Variants in C12orf42 observed in about 807,000 individuals in gnomAD.
C12orf42 encodes the protein chromosome 12 open reading frame 42.
C12orf42 carries 25 observed loss-of-function variants against 21.6 expected under a neutral mutation model. The observed-to-expected ratio is 1.16, with a 90% CI of 0.84 to 1.62. The LOEUF is 1.62. Among genes scored for constraint, C12orf42 ranks in the 40% most tolerant of loss-of-function variants. The probability of loss-of-function intolerance (pLI) is 0.00; values close to 1 mark genes in which losing one functional copy is unlikely to be tolerated. For missense variants in C12orf42, 483 were observed against 459.3 expected (o/e 1.05, Z -0.47); for synonymous variants, 174 against 175.0 (o/e 0.99, Z 0.05).
At chr12:103,259,531 G>A (rs552846800) in intron 10 of C12orf42, among the ~76,000 whole-genome samples, 1 of 152,204 alleles carries the variant, frequency 6.6e-6, no homozygotes, top group African/African-American at 2.4e-5. Context: ...CACCTGCCTC[G>A]GCCTCCCAAA....
rs140805952 is a variant in C12orf42, at chr12:103,473,877, C to T, written c.78+4472G>A. Among the ~76,000 whole-genome samples the T allele has an allele frequency of 3.5e-3, 528 of 152,260 alleles. 1 individual carries two copies. The highest frequency in any genetic ancestry group is 6.4e-3 in the Non-Finnish European group (434 of 68,012). On this transcript the variant is annotated intron_variant, in intron 2 of 5. Coordinates refer to ENST00000548883, the MANE Select transcript of C12orf42 (RefSeq NM_198521.5). The stretch of plus-strand genomic sequence containing the variant: ...GGCAGAAACTATCCTCTGAGTAGCA[C>T]AGAGGATGTGCATAATAAATACTGG...
intron 3 of C12orf42, among the ~76,000 whole-genome samples, chr12:103,379,118 T>C (rs868270870): frequency 3.9e-5 from 6 of 152,008 alleles, no homozygotes; most frequent in Middle Eastern, 6.8e-3. Context: ...TCATCTGAGG[T>C]TTTATATGTG....
chr12:103,561,549 G>A, the C12orf42 span, among the ~76,000 whole-genome samples: 278 of 152,130 alleles, frequency 1.8e-3, 1 homozygote, highest in African/African-American at 6.4e-3. Flanking sequence ...TAAGGACTTC[G>A]CCCTCATGAC....
At chr12:103,553,011 C>T in the C12orf42 span, among the ~76,000 whole-genome samples, 1 of 152,136 alleles carries the variant, frequency 6.6e-6, no homozygotes, top group Non-Finnish European at 1.5e-5. Flanking sequence ...AGTCCCTTCC[C>T]AACAGGTCTC....
chr12:103,498,260 C>A (rs192065351), upstream of C12orf42, among the ~76,000 whole-genome samples: 4 of 152,334 alleles, frequency 2.6e-5, no homozygotes, highest in Non-Finnish European at 5.9e-5. Context: ...TGGGCAATGT[C>A]ATAGAGAAGA....
intron 4 of C12orf42, among the ~76,000 whole-genome samples, chr12:103,347,686 TA>T (rs1342490366): frequency 6.6e-6 from 1 of 152,148 alleles, no homozygotes; most frequent in African/African-American, 2.4e-5. Context: ...TGCTTGATTC[TA>T]AAAGGCATTT....
the C12orf42 span, chr12:103,505,016 T>C: frequency 4.4e-6 from 1 of 226,966 alleles, no homozygotes; most frequent in Non-Finnish European, 9.8e-6. Context: ...TGCTGTGTTC[T>C]GAGCTTAGGA....
chr12:103,396,307 G>A (rs1410554690), intron 3 of C12orf42, among the ~76,000 whole-genome samples: 2 of 152,068 alleles, frequency 1.3e-5, no homozygotes, highest in African/African-American at 4.8e-5. Context: ...GACACCTTGT[G>A]AAGAGGTACT....
At chr12:103,398,045 C>A (rs888214875) in intron 3 of C12orf42, among the ~76,000 whole-genome samples, 3 of 152,030 alleles carry the variant, frequency 2.0e-5, no homozygotes, top group African/African-American at 7.2e-5. Context: ...TAAATAGGTA[C>A]AAATATTTGT....
intron 3 of C12orf42, among the ~76,000 whole-genome samples, chr12:103,398,504 CT>C (rs1292678914): frequency 6.6e-6 from 1 of 151,972 alleles, no homozygotes; most frequent in Non-Finnish European, 1.5e-5. Context: ...GTAAAGGAAA[CT>C]TTTTAATTTT....
intron 3 of C12orf42, among the ~76,000 whole-genome samples, chr12:103,394,430 CT>C (rs2047340643): frequency 6.6e-6 from 1 of 152,176 alleles, no homozygotes; most frequent in Admixed American, 6.5e-5. Context: ...TGCATTCTGG[CT>C]TGTTCTTTAA....
chr12:103,049,586 C>T, the C12orf42 span, among the ~76,000 whole-genome samples: 60,431 of 152,036 alleles, frequency 0.4, 12,333 homozygotes, highest in East Asian at 0.52. Flanking sequence ...TCAAAAATCT[C>T]CCAACGTTTT....
At chr12:103,377,857 T>C (rs2045840232) in intron 3 of C12orf42, among the ~76,000 whole-genome samples, 1 of 152,134 alleles carries the variant, frequency 6.6e-6, no homozygotes, top group Non-Finnish European at 1.5e-5. Context: ...CACTTCATTC[T>C]GTTAACTCAG....
intron 3 of C12orf42, among the ~76,000 whole-genome samples, chr12:103,381,892 G>GGGCAACA (rs1163138835): frequency 6.6e-6 from 1 of 151,564 alleles, no homozygotes; most frequent in Non-Finnish European, 1.5e-5. Context: ...ACTCCAACCT[G>GGGCAACA]GGCAACAGAG....
In C12orf42 at chr12:103,346,982, C is replaced by T. The variant is rs191746563; in HGVS notation, c.259+21905G>A. 2.5e-4 allele frequency among the ~76,000 whole-genome samples: 38 copies of T among 152,320 alleles called. No individual in the cohort carries two copies. In the East Asian group the frequency reaches 6.7e-3, roughly 27 times the overall value. ...TTATCATGCAGTGAGAAATATGGAACAGCTTGTTGGTCAGCCCTTCACAGA... is the reference window on the plus strand; with the variant it reads ...TTATCATGCAGTGAGAAATATGGAATAGCTTGTTGGTCAGCCCTTCACAGA... On this transcript the variant is annotated intron_variant, in intron 4 of 5. Transcript: ENST00000548883.
At chr12:103,421,282 T>G (rs2049878445) in intron 2 of C12orf42, among the ~76,000 whole-genome samples, 1 of 152,094 alleles carries the variant, frequency 6.6e-6, no homozygotes. Flanking sequence ...AATGTAAGAA[T>G]ATTTTAGGGC....
At chr12:103,419,678 C>T (rs997594570) in intron 2 of C12orf42, among the ~76,000 whole-genome samples, 1 of 152,132 alleles carries the variant, frequency 6.6e-6, no homozygotes, top group Non-Finnish European at 1.5e-5. Context: ...TATTTGTGTC[C>T]ACTCCTTCAA....
At chr12:103,233,714 G>T (rs553290775), downstream of C12orf42, among the ~76,000 whole-genome samples, 32 of 152,232 alleles carry the variant, frequency 2.1e-4, no homozygotes, top group East Asian at 5.6e-3. Flanking sequence ...TTTGCCAGGG[G>T]TTTTTGTCCA....
intron 4 of C12orf42, among the ~76,000 whole-genome samples, chr12:103,306,962 A>G (rs1307655309): frequency 6.6e-6 from 1 of 152,202 alleles, no homozygotes; most frequent in Non-Finnish European, 1.5e-5. Flanking sequence ...TATTGGAGAT[A>G]GCCTGCTGCA....
Sources: allele counts gnomAD v4.1 joint callset (sites outside exome capture counted in the v4.1 genomes callset), GRCh38; gene constraint gnomAD v4.1.1; transcripts MANE v1.5; gene names NCBI Gene and HGNC (gene_info 2026-07-23, HGNC 2026-07-21).